Variants in STAT5B observed in about 807,000 individuals in gnomAD.
STAT5B encodes signal transducer and activator of transcription 5B.
Under a neutral mutation model 107.8 loss-of-function variants are expected in STAT5B, and 21 were observed. The ratio of observed to expected loss-of-function variants is 0.19; its 90% CI spans 0.14 to 0.28. The LOEUF is 0.28. STAT5B is among the 10% of genes least tolerant of loss of function. The probability of loss-of-function intolerance (pLI) is 1.00; values close to 1 mark genes in which losing one functional copy is unlikely to be tolerated. For synonymous variants in STAT5B, 325 were observed against 401.7 expected (o/e 0.81, Z 2.28); for missense variants, 565 against 1,008.2 (o/e 0.56, Z 5.95).
At chr17:42,217,130 C>T (rs376130696) in intron 11 of STAT5B, 30 bp downstream of exon 11, 127 of 1,600,330 alleles carry the variant, frequency 7.9e-5, no homozygotes, top group South Asian at 7.8e-4. Flanking sequence ...CACACGCACA[C>T]GCACACGCAG....
At chr17:42,202,048 G>T in intron 18 of STAT5B, 184 bp from the exon 19 acceptor site, 2 of 652,058 alleles carry the variant, frequency 3.1e-6, no homozygotes, top group Non-Finnish European at 5.4e-6. Flanking sequence ...ACCCTCCCCT[G>T]TTACCTCTCA....
At chr17:42,224,922 T>G in intron 3 of STAT5B, 54 bp from the exon 4 acceptor site, 2,360 of 1,388,264 alleles carry the variant, frequency 1.7e-3, no homozygotes, top group Non-Finnish European at 2.2e-3. Context: ...CTATGGGCCC[T>G]AACCATGCCT....
intron 2 of STAT5B, among the ~76,000 whole-genome samples, chr17:42,229,304 C>A (rs573967468): frequency 3.3e-5 from 5 of 152,070 alleles, no homozygotes; most frequent in Non-Finnish European, 7.4e-5. Context: ...CGTGCACCAC[C>A]ACGCCTGGCT....
At chr17:42,250,873 G>A (rs1379449504) in intron 1 of STAT5B, among the ~76,000 whole-genome samples, 1 of 149,422 alleles carries the variant, frequency 6.7e-6, no homozygotes, top group African/African-American at 2.5e-5. Context: ...GCAGTGAGTG[G>A]AGATCATGCC....
chr17:42,219,917 C>A, intron 5 of STAT5B, 75 bp from the exon 6 acceptor site: 1 of 1,604,978 alleles, frequency 6.2e-7, no homozygotes, highest in South Asian at 1.1e-5. Flanking sequence ...CCCACTCACC[C>A]GTTCTGGAGC....
chr17:42,206,720 C>T (rs2080088121), intron 16 of STAT5B, among the ~76,000 whole-genome samples: 1 of 151,338 alleles, frequency 6.6e-6, no homozygotes, highest in African/African-American at 2.4e-5. Context: ...GGATTACAGG[C>T]ATGCGCCACC....
intron 1 of STAT5B, among the ~76,000 whole-genome samples, chr17:42,266,554 A>T (rs186399386): frequency 9.5e-4 from 143 of 151,048 alleles, no homozygotes; most frequent in South Asian, 6.7e-3. Context: ...AATAAAAAAA[A>T]AAAAAAAAAA....
At chr17:42,208,683 C>T (rs190424720) in intron 15 of STAT5B, among the ~76,000 whole-genome samples, 10 of 151,922 alleles carry the variant, frequency 6.6e-5, no homozygotes, top group Admixed American at 2.0e-4. Flanking sequence ...TATATAAAAG[C>T]TAGGAAGCAT....
At chr17:42,241,599 T>C (rs983998962) in intron 1 of STAT5B, among the ~76,000 whole-genome samples, 3 of 151,960 alleles carry the variant, frequency 2.0e-5, no homozygotes, top group Admixed American at 6.6e-5. Flanking sequence ...TGTGCCACTG[T>C]GTCTGGCTAA....
intron 12 of STAT5B, among the ~76,000 whole-genome samples, chr17:42,213,226 A>G (rs1235517229): frequency 6.6e-6 from 1 of 151,248 alleles, no homozygotes; most frequent in Admixed American, 6.6e-5. Context: ...TTTTTTTTTT[A>G]GGTAAGGTCT....
At chr17:42,246,132 TA>T (rs942431403) in intron 1 of STAT5B, among the ~76,000 whole-genome samples, 2 of 152,218 alleles carry the variant, frequency 1.3e-5, no homozygotes, top group African/African-American at 4.8e-5. Context: ...AAATTGTGTT[TA>T]AAATGTAAAA....
In STAT5B at chr17:42,217,371, C is replaced by T. The variant is rs1035515485; in HGVS notation, c.1257+6G>A. Reference sequence around the variant, plus strand: ...AAATTCATTCTTCCTCTTCTTCCACCCTCACCATATTCCTGAAGTGGGCAC... The same window carrying T: ...AAATTCATTCTTCCTCTTCTTCCACTCTCACCATATTCCTGAAGTGGGCAC... On this transcript the variant is annotated splice_donor_region_variant and intron_variant, in intron 10 of 18. Transcript: ENST00000293328. 6.2e-7 allele frequency: 1 copy of T among 1,614,190 alleles called. No homozygotes were observed. The highest frequency in any genetic ancestry group is 2.2e-5 in the East Asian group (1 of 44,890).
upstream of STAT5B, among the ~76,000 whole-genome samples, chr17:42,280,356 A>G (rs1432370409): frequency 6.6e-6 from 1 of 151,916 alleles, no homozygotes; most frequent in African/African-American, 2.4e-5. Flanking sequence ...AGATGAACAC[A>G]TGGCTTTCAG....
chr17:42,282,671 T>C, the STAT5B span, among the ~76,000 whole-genome samples: 3 of 152,102 alleles, frequency 2.0e-5, no homozygotes, highest in Admixed American at 1.3e-4. Flanking sequence ...ATCCCAGCAG[T>C]GGGTCTTGCT....
chr17:42,253,823 G>C (rs2080519688), intron 1 of STAT5B, among the ~76,000 whole-genome samples: 1 of 152,110 alleles, frequency 6.6e-6, no homozygotes, highest in Non-Finnish European at 1.5e-5. Context: ...TTACAGGCGT[G>C]AGTCACCGCG....
rs551815026 is a variant in STAT5B, at chr17:42,262,866, G to A, written c.-11+13382C>T. Among the ~76,000 whole-genome samples, 343 of 101,586 alleles carry A rather than the reference G, an allele frequency of 3.4e-3. 1 individual carries two copies. The highest frequency in any genetic ancestry group is 5.6e-3 in the Non-Finnish European group (283 of 50,116). 66.6% of individuals were successfully genotyped at this position (101,586 alleles called of 152,430 possible). On this transcript the variant is annotated intron_variant, in intron 1 of 18. Coordinates refer to ENST00000293328, the MANE Select transcript of STAT5B (RefSeq NM_012448.4). ...TATATATGTATATACACACATATAT[G>A]TGTGTGTATATATACACATATATAT...
At chr17:42,280,598 G>A (rs1335100905), upstream of STAT5B, among the ~76,000 whole-genome samples, 3 of 152,104 alleles carry the variant, frequency 2.0e-5, no homozygotes, top group East Asian at 5.8e-4. Context: ...TTTTCCCTGT[G>A]GGGATGAATC....
intron 1 of STAT5B, chr17:42,275,207 C>G (rs922856875): frequency 1.3e-5 from 2 of 152,204 alleles, no homozygotes; most frequent in East Asian, 1.9e-4. Context: ...ATGGCATCAT[C>G]GCTGGGTTCC....
intron 1 of STAT5B, among the ~76,000 whole-genome samples, chr17:42,258,622 T>C (rs749125268): frequency 3.3e-5 from 5 of 152,248 alleles, no homozygotes; most frequent in Non-Finnish European, 1.5e-5. Flanking sequence ...GAGGTTGCAG[T>C]GATCTGAGAT....
Sources: allele counts gnomAD v4.1 joint callset (sites outside exome capture counted in the v4.1 genomes callset), GRCh38; gene constraint gnomAD v4.1.1; transcripts MANE v1.5; gene names NCBI Gene and HGNC (gene_info 2026-07-23, HGNC 2026-07-21).